GPR158: variants seen among roughly 807,000 people sequenced by gnomAD.
GPR158 encodes G protein-coupled receptor 158.
A neutral mutation model predicts 78.2 loss-of-function variants in GPR158; 30 were observed. That is an observed-to-expected ratio of 0.38 (90% CI 0.29 to 0.52). GPR158 has a LOEUF of 0.52. GPR158 is among the 20% of genes least tolerant of loss of function. The pLI, the probability that GPR158 is intolerant of heterozygous loss-of-function variation, is 0.83. For missense variants in GPR158, 1,463 were observed against 1,523.5 expected, an observed-to-expected ratio of 0.96 and a Z score of 0.66; for synonymous variants, 581 against 591.1, an observed-to-expected ratio of 0.98 and a Z score of 0.25.
intron 2 of GPR158, among the ~76,000 whole-genome samples, chr10:25,308,045 T>C (rs1233998613): frequency 6.6e-6 from 1 of 152,186 alleles, no homozygotes; most frequent in East Asian, 1.9e-4. Context: ...CAACAACATG[T>C]GTTGTCAAGC....
chr10:25,202,248 G>C (rs1852940111), intron 1 of GPR158, among the ~76,000 whole-genome samples: 1 of 151,718 alleles, frequency 6.6e-6, no homozygotes, highest in Non-Finnish European at 1.5e-5. Context: ...ATGTCTCTAG[G>C]AATTTATCCA....
chr10:25,239,964 T>G (rs907975521), intron 2 of GPR158, among the ~76,000 whole-genome samples: 4 of 152,230 alleles, frequency 2.6e-5, no homozygotes, highest in Non-Finnish European at 5.9e-5. Flanking sequence ...TAAAGTAGTA[T>G]AGTATGCAGT....
chr10:25,228,751 G>A (rs1040496701), intron 2 of GPR158, among the ~76,000 whole-genome samples: 1 of 152,144 alleles, frequency 6.6e-6, no homozygotes, highest in African/African-American at 2.4e-5. Context: ...TGATTTGTAG[G>A]CCGGGCGTGG....
At chr10:25,580,839 C>T (rs904483793) in intron 7 of GPR158, among the ~76,000 whole-genome samples, 1 of 152,162 alleles carries the variant, frequency 6.6e-6, no homozygotes, top group African/African-American at 2.4e-5. Flanking sequence ...CATTCTTCTG[C>T]CTCACCCTCC....
intron 2 of GPR158, among the ~76,000 whole-genome samples, chr10:25,379,769 G>A (rs1156817494): frequency 2.7e-5 from 4 of 146,276 alleles, no homozygotes; most frequent in Non-Finnish European, 4.5e-5. Context: ...CCAAAACTTA[G>A]GTGGCATCTC....
intron 1 of GPR158, among the ~76,000 whole-genome samples, chr10:25,192,282 G>A (rs1210975909): frequency 1.3e-5 from 2 of 152,156 alleles, no homozygotes; most frequent in South Asian, 2.1e-4. Flanking sequence ...CTTCCGCCAC[G>A]GTTTTAAGTT....
Position 25,270,328 on chromosome 10 carries a change from AT to A in GPR158, c.1008+49180del, listed in dbSNP as rs976596939. ...TCTTCTGTTTCACCTGAACAGTTTG[AT>A]TTTTTTTTCCTCCGATGTGCAGGGG... On this transcript the variant is annotated intron_variant, in intron 2 of 10. Coordinates refer to ENST00000376351, the MANE Select transcript of GPR158 (RefSeq NM_020752.3). Among the ~76,000 whole-genome samples the A allele has an allele frequency of 5.9e-5, 9 of 151,534 alleles. No homozygotes were observed. The East Asian group carries it at 9.7e-4, about 16-fold the overall frequency.
chr10:25,260,825 T>C lies in GPR158; in HGVS notation c.1008+39668T>C, dbSNP rs76945121. The stretch of plus-strand genomic sequence containing the variant: ...CCATGCTACTTATTTCTCTGGATTT[T>C]TGCTTTCTATTCGTCTATGGCCTCT... On this transcript the variant is annotated intron_variant, in intron 2 of 10. Transcript: ENST00000376351. Among the ~76,000 whole-genome samples the C allele has an allele frequency of 3.6e-3, 555 of 152,284 alleles. 4 individuals carry two copies. The highest frequency in any genetic ancestry group is 0.012 in the African/African-American group (512 of 41,578).
chr10:25,287,260 T>A (rs923055275), intron 2 of GPR158, among the ~76,000 whole-genome samples: 3 of 152,114 alleles, frequency 2.0e-5, no homozygotes, highest in Non-Finnish European at 4.4e-5. Flanking sequence ...TTCTCCTAGC[T>A]TCAGTTGATT....
intron 5 of GPR158, among the ~76,000 whole-genome samples, chr10:25,540,948 ATAT>A (rs1564484202): frequency 0.029 from 501 of 17,376 alleles, 1 homozygote; most frequent in African/African-American, 0.12. Context: ...TAATAAAAAT[ATAT>A]ATATATATAT....
At position 25,201,436 on chromosome 10, in the gene GPR158, A is replaced by G. The variant is rs140799459; in HGVS notation, c.903-19616A>G. Among the ~76,000 whole-genome samples, 474 of 152,286 alleles carry G rather than the reference A, an allele frequency of 3.1e-3. 1 individual carries two copies. Among genetic ancestry groups the G allele is most frequent in the South Asian group, 4.8e-3 (23 of 4,820 alleles). ...AGTTTTCTGGGTATAATATCATACC[A>G]TCTGTAAACAGAGATAGTTTCACTT... On this transcript the variant is annotated intron_variant, in intron 1 of 10. Coordinates refer to ENST00000376351, the MANE Select transcript of GPR158 (RefSeq NM_020752.3).
intron 4 of GPR158, among the ~76,000 whole-genome samples, chr10:25,423,707 CA>C (rs1212571074): frequency 1.3e-5 from 2 of 152,166 alleles, no homozygotes; most frequent in African/African-American, 2.4e-5. Context: ...CTACAAAGGA[CA>C]TGAACTCATC....
chr10:25,293,989 C>T (rs1056408418), intron 2 of GPR158, among the ~76,000 whole-genome samples: 1 of 152,170 alleles, frequency 6.6e-6, no homozygotes, highest in African/African-American at 2.4e-5. Context: ...TCGTGATTCA[C>T]CTGCCTCAGC....
At chr10:25,326,718 T>C (rs925333091) in intron 2 of GPR158, among the ~76,000 whole-genome samples, 2 of 152,234 alleles carry the variant, frequency 1.3e-5, no homozygotes, top group South Asian at 2.1e-4. Context: ...ACGTGTTGTA[T>C]ACTTGAATAT....
At chr10:25,189,269 C>T (rs1351547027) in intron 1 of GPR158, among the ~76,000 whole-genome samples, 1 of 152,198 alleles carries the variant, frequency 6.6e-6, no homozygotes, top group Admixed American at 6.5e-5. Context: ...TTTGACCCAG[C>T]CATCCCATTA....
At chr10:25,240,794 C>G (rs1853593515) in intron 2 of GPR158, among the ~76,000 whole-genome samples, 1 of 152,146 alleles carries the variant, frequency 6.6e-6, no homozygotes, top group African/African-American at 2.4e-5. Context: ...AAATATCTAT[C>G]AATTGGGAGT....
At chr10:25,376,050 T>G (rs1834074902) in intron 2 of GPR158, among the ~76,000 whole-genome samples, 3 of 151,636 alleles carry the variant, frequency 2.0e-5, no homozygotes, top group Non-Finnish European at 4.4e-5. Flanking sequence ...GGTCTTTGAT[T>G]TCTTTAGCAG....
At chr10:25,249,989 C>A (rs1184506536) in intron 2 of GPR158, among the ~76,000 whole-genome samples, 6 of 143,936 alleles carry the variant, frequency 4.2e-5, no homozygotes, top group Non-Finnish European at 6.1e-5. Context: ...ACAATTTCAG[C>A]TCCTGTTATT....
At chr10:25,252,180 C>A (rs1588759262) in intron 2 of GPR158, among the ~76,000 whole-genome samples, 1 of 151,582 alleles carries the variant, frequency 6.6e-6, no homozygotes, top group South Asian at 2.1e-4. Context: ...CCTTTAAGCA[C>A]TTCTCTGTAT....
Sources: gnomAD v4.1 joint callset for allele counts (sites outside exome capture counted in the v4.1 genomes callset) on GRCh38, gnomAD v4.1.1 for gene constraint, MANE v1.5 for transcripts, NCBI Gene and HGNC (gene_info 2026-07-23, HGNC 2026-07-21) for gene names.